Variants in RASSF1 observed in about 807,000 individuals in gnomAD.
RASSF1 encodes the protein Ras association domain family member 1.
A neutral mutation model predicts 34.3 loss-of-function variants in RASSF1; 33 were observed. That is an observed-to-expected ratio of 0.96 (90% CI 0.73 to 1.29). The LOEUF is 1.29. Ranked by LOEUF, RASSF1 falls within the 50% of genes most tolerant of loss-of-function variation. RASSF1 has a pLI of 0.00. For synonymous variants in RASSF1, 191 were observed against 195.0 expected, an observed-to-expected ratio of 0.98 and a Z score of 0.17; for missense variants, 445 against 471.8, an observed-to-expected ratio of 0.94 and a Z score of 0.53.
chr3:50,339,263 G>GTC (rs1703273188), intron 1 of RASSF1, among the ~76,000 whole-genome samples: 1 of 151,330 alleles, frequency 6.6e-6, no homozygotes, highest in Non-Finnish European at 1.5e-5. Flanking sequence ...TTTCTCCCTT[G>GTC]TCTCTACCTC....
At chr3:50,337,696 C>G in intron 2 of RASSF1, 1 of 842,908 alleles carries the variant, frequency 1.2e-6, no homozygotes, top group Admixed American at 2.9e-5. Context: ...CAGCCTGGGC[C>G]CGGGTCCGCT....
At position 50,335,904 on chromosome 3, in the gene RASSF1, C is replaced by T. The variant is rs587762586; in HGVS notation, c.357+2001G>A. Among the ~76,000 whole-genome samples the T allele has an allele frequency of 2.0e-4, 30 of 152,008 alleles. No homozygotes were observed. The East Asian group carries it at 4.5e-3, about 23-fold the overall frequency. ...TAGAGGTGTGAGCCACCGTACTTGG[C>T]TTCCTTTTCTATTTTTGAGACAGAG... On this transcript the variant is annotated intron_variant, in intron 2 of 5. Transcript: ENST00000359365.
rs587740515 is a variant in RASSF1 at position 50,329,962 on chromosome 3, A to G, written c.*619T>C. 1.5e-4 allele frequency: 23 copies of G among 152,794 alleles called. No homozygotes were observed. Among genetic ancestry groups the G allele is most frequent in the African/African-American group, 5.3e-4 (22 of 41,554 alleles). 9.5% of individuals were successfully genotyped at this position (152,794 alleles called of 1,614,324 possible). On this transcript the variant is annotated 3_prime_UTR_variant, in exon 6 of 6. Transcript: ENST00000359365. Reference sequence around the variant, plus strand: ...GAGACCCTGGCTTTGATTAGCAAATAAGGTATGAACCTGGGCCAGTGCCCA... The same window carrying G: ...GAGACCCTGGCTTTGATTAGCAAATGAGGTATGAACCTGGGCCAGTGCCCA...
At position 50,331,334 on chromosome 3, in the gene RASSF1, G is replaced by A. The variant is rs745450017; in HGVS notation, c.876C>T (p.Asn292=). ...AAGAAACTAAGAACTATGTACTCAC[G>A]TTCACCTCCCCAGAGTCATTTTCCT... ...VLKENDSGEV[N]WDAFSMPELH... The change falls in exon 5 of 6, where the codon AAC becomes AAT. Residue 292 remains asparagine (N), a splice_region_variant and synonymous_variant. Transcript: ENST00000359365. The A allele has an allele frequency of 9.5e-6, 15 of 1,574,070 alleles. No homozygotes were observed. Among genetic ancestry groups the A allele is most frequent in the South Asian group, 5.7e-5 (5 of 87,742 alleles).
chr3:50,340,257 G>A (rs765917396), intron 1 of RASSF1, among the ~76,000 whole-genome samples: 3 of 152,178 alleles, frequency 2.0e-5, no homozygotes, highest in Admixed American at 6.5e-5. Context: ...GGACTCCGAG[G>A]ACAGTAGGCA....
At chr3:50,335,678 C>G (rs1309830454) in intron 2 of RASSF1, among the ~76,000 whole-genome samples, 3 of 152,030 alleles carry the variant, frequency 2.0e-5, no homozygotes, top group Non-Finnish European at 4.4e-5. Flanking sequence ...TGCAGTGGCA[C>G]GATCTTGGCT....
At position 50,331,759 on chromosome 3, in the gene RASSF1, T is replaced by A; in HGVS notation, c.560A>T (p.Asp187Val). ...GCCCCGTCCTGGGCCCCGCCGGGCA[T>A]CCTGCAAGGAGGGTGGCTTCTTGCT... ...PSSKKPPSLQ[D>V]ARRGPGRGTS... Residue 187 changes from aspartate to valine, a missense_variant, in exon 4 of 6, where the codon GAT becomes GTT. Coordinates refer to ENST00000359365, the MANE Select transcript of RASSF1 (RefSeq NM_007182.5). 2 of 1,609,938 alleles carry A rather than the reference T, an allele frequency of 1.2e-6. No homozygotes were observed. The highest frequency in any genetic ancestry group is 8.5e-7 in the Non-Finnish European group (1 of 1,176,840).
intron 2 of RASSF1, chr3:50,337,441 C>A (rs779759216): frequency 7.2e-5 from 113 of 1,578,620 alleles, no homozygotes; most frequent in South Asian, 1.1e-4. Flanking sequence ...GCGCCGCAAC[C>A]GTTAAGACTG....
At chr3:50,337,669 G>C in intron 2 of RASSF1, 1 of 891,190 alleles carries the variant, frequency 1.1e-6, no homozygotes, top group Non-Finnish European at 1.7e-6. Flanking sequence ...GGAAGTGCGC[G>C]TGCGCGGAGC....
In RASSF1 at chr3:50,330,484, G is replaced by A. The variant is rs1702893019; in HGVS notation, c.*97C>T. 6.7e-7 allele frequency: 1 copy of A among 1,497,728 alleles called. No individual in the cohort carries two copies. The highest frequency in any genetic ancestry group is 9.1e-7 in the Non-Finnish European group (1 of 1,093,818). 92.8% of individuals were successfully genotyped at this position (1,497,728 alleles called of 1,614,324 possible). ...TCCCCCAGCACAGGAGGGCCTCCAT[G>A]CACACTCATTCCACAGGCCCCACTG... On this transcript the variant is annotated 3_prime_UTR_variant, in exon 6 of 6. Coordinates refer to ENST00000359365, the MANE Select transcript of RASSF1 (RefSeq NM_007182.5). The surrounding 1 kb of genome is among the most constrained non-coding windows in gnomAD (Gnocchi z 4.5).
At chr3:50,335,680 ATC>A (rs1703111193) in intron 2 of RASSF1, among the ~76,000 whole-genome samples, 1 of 151,876 alleles carries the variant, frequency 6.6e-6, no homozygotes, top group East Asian at 1.9e-4. Flanking sequence ...CAGTGGCACG[ATC>A]TTGGCTCACT....
chr3:50,330,688 G>A lies in RASSF1; in HGVS notation c.916C>T (p.Arg306Cys), dbSNP rs369888153. 50 of 1,613,962 alleles carry A rather than the reference G, an allele frequency of 3.1e-5. No individual in the cohort carries two copies. The Admixed American group carries it at 6.0e-4, about 19-fold the overall frequency. Residue 306 changes from arginine (R) to cysteine (C), a missense_variant, in exon 6 of 6, where the codon CGT (arginine) becomes TGT (cysteine). By Grantham distance (180) the Arg-to-Cys change is radical. Transcript: ENST00000359365. The surrounding 1 kb of genome is among the most constrained non-coding windows in gnomAD (Gnocchi z 4.5). Reference protein sequence around the residue: ...FSMPELHNFLRILQREEEEHL... With the variant: ...FSMPELHNFLCILQREEEEHL... ...TCCTCCTCCTCCCGCTGCAGGATAC[G>A]TAGGAAGTTATGTAGTTCAGGCATG...
chr3:50,337,410 G>A (rs1463294466), intron 2 of RASSF1: 7 of 1,583,532 alleles, frequency 4.4e-6, no homozygotes, highest in African/African-American at 1.3e-5. Flanking sequence ...GTCAGTGTGC[G>A]CGTGCGCCCG....
At chr3:50,337,396 G>A in intron 2 of RASSF1, 3 of 1,590,276 alleles carry the variant, frequency 1.9e-6, no homozygotes, top group East Asian at 2.2e-5. Context: ...GTGCGTGTAC[G>A]CGTGTCAGTG....
chr3:50,331,312 AAACTAAG>A lies in RASSF1; in HGVS notation c.876+15_876+21del, dbSNP rs1423466650. ...TCAGTCCTGTCTAGTGACAACCAAGAAACTAAGAACTATGTACTCACGTTCACCTCCC... is the reference window on the plus strand; with the variant it reads ...TCAGTCCTGTCTAGTGACAACCAAGAAACTATGTACTCACGTTCACCTCCC... On this transcript the variant is annotated intron_variant, in intron 5 of 5. Coordinates refer to ENST00000359365, the MANE Select transcript of RASSF1 (RefSeq NM_007182.5). 2.7e-6 allele frequency: 4 copies of A among 1,498,522 alleles called. No homozygotes were observed. Among genetic ancestry groups the A allele is most frequent in the Non-Finnish European group, 3.6e-6 (4 of 1,100,838 alleles). 92.8% of individuals were successfully genotyped at this position (1,498,522 alleles called of 1,614,324 possible). A position where few individuals can be genotyped will look rare whatever the true frequency, so the allele number is the denominator to read the frequency against.
In RASSF1 at chr3:50,330,369, G is replaced by A; in HGVS notation, c.*212C>T. On this transcript the variant is annotated 3_prime_UTR_variant, in exon 6 of 6. Coordinates refer to ENST00000359365, the MANE Select transcript of RASSF1 (RefSeq NM_007182.5). The surrounding 1 kb of genome is among the most constrained non-coding windows in gnomAD (Gnocchi z 4.5). ...GGCAGCCCTGGCCCACTAAGGCCCA[G>A]TAATGAGGGCAGAGGGGTGCAGAGC... The A allele has an allele frequency of 1.6e-6, 1 of 636,046 alleles. No homozygotes were observed. The highest frequency in any genetic ancestry group is 2.6e-6 in the Non-Finnish European group (1 of 384,794). 39.4% of individuals were successfully genotyped at this position (636,046 alleles called of 1,614,324 possible). A position where few individuals can be genotyped will look rare whatever the true frequency, so the allele number is the denominator to read the frequency against.
chr3:50,330,917 C>T lies in RASSF1; in HGVS notation c.877-190G>A, dbSNP rs587757853. On this transcript the variant is annotated intron_variant, in intron 5 of 5. Coordinates refer to ENST00000359365, the MANE Select transcript of RASSF1 (RefSeq NM_007182.5). The surrounding 1 kb of genome is among the most constrained non-coding windows in gnomAD (Gnocchi z 4.5). ...TGTATGGAAGATGGGCCCTACAAAA[C>T]GGTCACCTTACTGAGACAACCAAGT... Among the ~76,000 whole-genome samples the T allele has an allele frequency of 1.7e-3, 255 of 152,266 alleles. 3 individuals carry two copies. Among genetic ancestry groups the T allele is most frequent in the African/African-American group, 5.4e-3 (226 of 41,538 alleles).
At chr3:50,336,494 C>G (rs1456059151) in intron 2 of RASSF1, 3 of 152,218 alleles carry the variant, frequency 2.0e-5, no homozygotes, top group African/African-American at 7.2e-5. Context: ...CTTTTTCCAC[C>G]TCTTTAGGCA....
At chr3:50,334,388 G>A (rs890881760) in intron 2 of RASSF1, among the ~76,000 whole-genome samples, 10 of 152,164 alleles carry the variant, frequency 6.6e-5, no homozygotes, top group Admixed American at 2.6e-4. Flanking sequence ...CAACCTTGTC[G>A]GGTTAGTAAA....
Sources: gnomAD v4.1 joint callset for allele counts (sites outside exome capture counted in the v4.1 genomes callset) on GRCh38, gnomAD v4.1.1 for gene constraint, Gnocchi (gnomAD v3.1) non-coding constraint, MANE v1.5 for transcripts, NCBI Gene and HGNC (gene_info 2026-07-23, HGNC 2026-07-21) for gene names.